Variants in HHIPL1 observed in about 807,000 individuals in gnomAD.
HHIPL1 encodes HHIP like 1, also known as HHIP-like protein 1.
HHIPL1 carries 43 observed loss-of-function variants against 61.8 expected under a neutral mutation model. The ratio of observed to expected loss-of-function variants is 0.70; its 90% CI spans 0.55 to 0.90. The LOEUF is 0.90. HHIPL1 is among the 40% of genes least tolerant of loss of function. The pLI, the probability that HHIPL1 is intolerant of heterozygous loss-of-function variation, is 0.00. For missense variants in HHIPL1, 1,056 were observed against 1,157.7 expected, an observed-to-expected ratio of 0.91 and a Z score of 1.28; for synonymous variants, 482 against 515.8, an observed-to-expected ratio of 0.93 and a Z score of 0.89.
chr14:99,674,480 A>G (rs2056363350), intron 8 of HHIPL1, among the ~76,000 whole-genome samples: 1 of 151,922 alleles, frequency 6.6e-6, no homozygotes, highest in Non-Finnish European at 1.5e-5. Context: ...CCCCCATCGT[A>G]CCCGCTGTGA....
chr14:99,605,491 C>G, the HHIPL1 span, among the ~76,000 whole-genome samples: 1 of 152,200 alleles, frequency 6.6e-6, no homozygotes, highest in Admixed American at 6.5e-5. Context: ...AGCTGATGCC[C>G]CATTTACAGT....
At chr14:99,643,457 T>G (rs142697954), upstream of HHIPL1, among the ~76,000 whole-genome samples, 120 of 152,340 alleles carry the variant, frequency 7.9e-4, no homozygotes, top group African/African-American at 2.8e-3. Context: ...GGATTTATGT[T>G]ACTCTGGCTG....
chr14:99,633,280 C>T, the HHIPL1 span, among the ~76,000 whole-genome samples: 2 of 152,234 alleles, frequency 1.3e-5, no homozygotes. Flanking sequence ...TGCGCCAACC[C>T]CTGCACACCT....
chr14:99,666,591 T>C (rs1240850784), intron 6 of HHIPL1, among the ~76,000 whole-genome samples: 1 of 152,224 alleles, frequency 6.6e-6, no homozygotes, highest in African/African-American at 2.4e-5. Flanking sequence ...GTTGGCCAGA[T>C]GAACCAGGGA....
the HHIPL1 span, among the ~76,000 whole-genome samples, chr14:99,635,812 T>A: frequency 2.6e-5 from 4 of 152,316 alleles, no homozygotes; most frequent in African/African-American, 9.6e-5. Flanking sequence ...GGCAGGGGAT[T>A]GCTGGGCTAT....
chr14:99,605,603 G>A, the HHIPL1 span, among the ~76,000 whole-genome samples: 1 of 152,262 alleles, frequency 6.6e-6, no homozygotes, highest in East Asian at 1.9e-4. Flanking sequence ...CTCTGCGGGG[G>A]ACTTGGCGTC....
intron 1 of HHIPL1, among the ~76,000 whole-genome samples, chr14:99,649,069 C>T (rs1303611349): frequency 6.6e-6 from 1 of 152,218 alleles, no homozygotes; most frequent in South Asian, 2.1e-4. Flanking sequence ...TTGCCAGCAG[C>T]AATCACTATG....
upstream of HHIPL1, among the ~76,000 whole-genome samples, chr14:99,644,715 A>G (rs4905875): frequency 0.8 from 122,315 of 152,074 alleles, 49,344 homozygotes; most frequent in Admixed American, 0.85. Context: ...GCCAGGTTTC[A>G]CTTCTCCCTG....
In HHIPL1 at chr14:99,659,756, A is replaced by G; in HGVS notation, c.1375A>G (p.Asn459Asp). Residue 459 changes from asparagine to aspartate, a missense_variant and splice_region_variant, in exon 4 of 9, where the codon AAT becomes GAT. Coordinates refer to ENST00000330710, the MANE Select transcript of HHIPL1 (RefSeq NM_001127258.3). ...DRSLCANTSL[N>D]DLLPIFAYPH... is the part of the protein sequence containing the mutation. Reference sequence around the variant, plus strand: ...CAGCCTGTGCGCCAACACCTCTCTCAGTGAGTGCCCGCGCCCCGGGGACCC... The same window carrying G: ...CAGCCTGTGCGCCAACACCTCTCTCGGTGAGTGCCCGCGCCCCGGGGACCC... 2 of 1,403,308 alleles carry G rather than the reference A, an allele frequency of 1.4e-6. No homozygotes were observed. Among genetic ancestry groups the G allele is most frequent in the Non-Finnish European group, 1.8e-6 (2 of 1,082,940 alleles). 86.9% of individuals were successfully genotyped at this position (1,403,308 alleles called of 1,614,324 possible). A position where few individuals can be genotyped will look rare whatever the true frequency, so the allele number is the denominator to read the frequency against.
chr14:99,640,508 C>A (rs1297840550), upstream of HHIPL1, among the ~76,000 whole-genome samples: 1 of 152,120 alleles, frequency 6.6e-6, no homozygotes, highest in Admixed American at 6.5e-5. Flanking sequence ...TGGTCTCAAG[C>A]TCCTGGGCTC....
Position 99,660,822 on chromosome 14 carries a change from TG to T in HHIPL1, c.1502+421del, listed in dbSNP as rs540532735. Among the ~76,000 whole-genome samples the T allele has an allele frequency of 7.2e-4, 109 of 152,246 alleles. No homozygotes were observed. The highest frequency in any genetic ancestry group is 2.4e-3 in the African/African-American group (98 of 41,546). On this transcript the variant is annotated intron_variant, in intron 5 of 8. Transcript: ENST00000330710. This position sits in a 1 kb window ranked among gnomAD's most constrained non-coding sequence, Gnocchi z 4.9. ...CACAGCTTGTCACTGCAACAGCTGA[TG>T]GGGGCCTGGAGCCCTGCCCCACCCC...
Position 99,678,293 on chromosome 14 carries a change from G to A in HHIPL1, c.*2667G>A, listed in dbSNP as rs2056409927. ...ACTGGTCCGTGGCCCAGGGTTTGGA[G>A]ACCTCTGCCCTAGGTAGTAATAAGA... On this transcript the variant is annotated 3_prime_UTR_variant, in exon 9 of 9. Coordinates refer to ENST00000330710, the MANE Select transcript of HHIPL1 (RefSeq NM_001127258.3). 1 of 152,216 alleles carries A rather than the reference G, an allele frequency of 6.6e-6. No individual in the cohort carries two copies. Among genetic ancestry groups the A allele is most frequent in the Non-Finnish European group, 1.5e-5 (1 of 68,028 alleles). 9.4% of individuals were successfully genotyped at this position (152,216 alleles called of 1,614,324 possible).
Position 99,659,620 on chromosome 14 carries a change from G to A in HHIPL1, c.1239G>A (p.Gly413=). ...ACCCCTCCTCGGGCACTGGCCGCGG[G>A]CGCCTCTTCTGCGGCGACGTGGGCC... The part of the protein sequence containing the change: ...RGDPSSGTGR[G]RLFCGDVGQN... The change falls in exon 4 of 9, where the codon GGG becomes GGA. Residue 413 remains glycine (G), a synonymous_variant. Coordinates refer to ENST00000330710, the MANE Select transcript of HHIPL1 (RefSeq NM_001127258.3). The A allele has an allele frequency of 6.5e-7, 1 of 1,549,400 alleles. No individual in the cohort carries two copies. The highest frequency in any genetic ancestry group is 1.9e-5 in the Admixed American group (1 of 52,642).
upstream of HHIPL1, among the ~76,000 whole-genome samples, chr14:99,640,877 CTTTTTTTT>C (rs59137552): frequency 1.4e-4 from 10 of 69,866 alleles, no homozygotes; most frequent in East Asian, 2.6e-3. Context: ...ACTTCTTCTT[CTTTTTTTT>C]TTTTTTTTTT....
chr14:99,637,050 G>A, the HHIPL1 span, among the ~76,000 whole-genome samples: 1,041 of 44,004 alleles, frequency 0.024, 31 homozygotes, highest in African/African-American at 0.032. Context: ...AAAGAAAGAA[G>A]GAAGGAAGGA....
chr14:99,666,673 G>A (rs1335001359), intron 6 of HHIPL1, among the ~76,000 whole-genome samples: 1 of 152,206 alleles, frequency 6.6e-6, no homozygotes, highest in Non-Finnish European at 1.5e-5. Context: ...AGGCCCAGAG[G>A]GGAGTGGACG....
the HHIPL1 span, among the ~76,000 whole-genome samples, chr14:99,630,875 G>C: frequency 6.6e-6 from 1 of 152,154 alleles, no homozygotes; most frequent in Admixed American, 6.5e-5. Context: ...CAATCCTGGT[G>C]TTCCTGGGCT....
chr14:99,611,292 A>C, the HHIPL1 span, among the ~76,000 whole-genome samples: 46 of 141,476 alleles, frequency 3.3e-4, no homozygotes, highest in African/African-American at 1.1e-3. Flanking sequence ...CACCACCTGT[A>C]ATTTTTTTTT....
chr14:99,611,865 A>G, the HHIPL1 span, among the ~76,000 whole-genome samples: 1 of 152,014 alleles, frequency 6.6e-6, no homozygotes, highest in Non-Finnish European at 1.5e-5. Flanking sequence ...CACAGTACAC[A>G]CAGGTTGGCT....
Sources: allele counts gnomAD v4.1 joint callset (sites outside exome capture counted in the v4.1 genomes callset), GRCh38; gene constraint gnomAD v4.1.1; non-coding constraint Gnocchi (gnomAD v3.1); transcripts MANE v1.5; gene names NCBI Gene and HGNC (gene_info 2026-07-23, HGNC 2026-07-21).